ECPAS: variants seen among roughly 807,000 people sequenced by gnomAD.
ECPAS encodes proteasome adapter and scaffold protein ECM29.
In ECPAS, 70 loss-of-function variants were observed where a neutral mutation model predicts 255.1. The observed-to-expected ratio is 0.27, with a 90% CI of 0.23 to 0.33. The LOEUF is 0.33. ECPAS is among the 10% of genes least tolerant of loss of function. ECPAS has a pLI of 1.00. For missense variants in ECPAS, 1,817 were observed against 2,206.4 expected (o/e 0.82, Z 3.54); for synonymous variants, 784 against 775.0 (o/e 1.01, Z -0.19).
At chr9:111,432,699 CATTT>C (rs2098231881) in intron 8 of ECPAS, among the ~76,000 whole-genome samples, 1 of 152,170 alleles carries the variant, frequency 6.6e-6, no homozygotes, top group Non-Finnish European at 1.5e-5. Context: ...GTATCCCATT[CATTT>C]ATTTTTCATT....
intron 24 of ECPAS, among the ~76,000 whole-genome samples, chr9:111,398,350 T>C (rs1320829305): frequency 6.6e-6 from 1 of 152,336 alleles, no homozygotes; most frequent in East Asian, 1.9e-4. Context: ...TGTTTTTGCA[T>C]GTTTCCTGTA....
At chr9:111,384,929 T>TGC (rs908949063) in intron 33 of ECPAS, among the ~76,000 whole-genome samples, 9 of 152,176 alleles carry the variant, frequency 5.9e-5, no homozygotes, top group African/African-American at 2.2e-4. Flanking sequence ...AAAACTGAAG[T>TGC]GCCTAATTTT....
chr9:111,467,125 G>GA (rs2098280540), intron 2 of ECPAS, among the ~76,000 whole-genome samples: 1 of 151,438 alleles, frequency 6.6e-6, no homozygotes, highest in African/African-American at 2.4e-5. Context: ...TACAGGACTA[G>GA]AAAAAACAAT....
rs199992999 is a variant in ECPAS, at chr9:111,484,244, G to C, written c.-211C>G. 5 of 1,474,076 alleles carry C rather than the reference G, an allele frequency of 3.4e-6. No individual in the cohort carries two copies. In the Admixed American group the frequency reaches 1.4e-4, roughly 40 times the overall value. 91.3% of individuals were successfully genotyped at this position (1,474,076 alleles called of 1,614,324 possible). On this transcript the variant is annotated 5_prime_UTR_variant, in exon 1 of 50. Transcript: ENST00000684092. ...GCCGCAGTCCGTGAGGGGCTGGGCC[G>C]AGCGGGCCCGGGCTGCCCTAGCGGC...
At chr9:111,379,221 A>G (rs891585363) in intron 35 of ECPAS, among the ~76,000 whole-genome samples, 1 of 152,238 alleles carries the variant, frequency 6.6e-6, no homozygotes, top group African/African-American at 2.4e-5. Context: ...CAGTAGTCCC[A>G]TAAGATCATA....
chr9:111,420,677 C>G (rs2098212147), intron 15 of ECPAS, among the ~76,000 whole-genome samples: 1 of 152,132 alleles, frequency 6.6e-6, no homozygotes, highest in Non-Finnish European at 1.5e-5. Context: ...CTACAAAGTT[C>G]AACCAGAAAA....
chr9:111,385,830 C>A (rs539064206), intron 32 of ECPAS, among the ~76,000 whole-genome samples: 7 of 152,324 alleles, frequency 4.6e-5, no homozygotes, highest in Non-Finnish European at 7.4e-5. Flanking sequence ...AACAGGTAAT[C>A]TTCAACTTCT....
chr9:111,371,300 A>G (rs2098126987), intron 43 of ECPAS, among the ~76,000 whole-genome samples: 1 of 152,164 alleles, frequency 6.6e-6, no homozygotes, highest in South Asian at 2.1e-4. Context: ...TGATCTTTCT[A>G]TGCCCAATCC....
At position 111,440,503 on chromosome 9, in the gene ECPAS, T is replaced by G; in HGVS notation, c.408A>C (p.Ile136=). The change falls in exon 6 of 50, where the codon ATA becomes ATC. Residue 136 remains isoleucine (I), a synonymous_variant. Coordinates refer to ENST00000684092, the MANE Select transcript of ECPAS (RefSeq NM_001364929.1). ...GGTATTTCATGTGAAAAAGGGTTGG[T>G]ATTAAAAGATGCATTAAGCTGAAAA... ...PQQDSLMHLL[I]PTLFHMKYPV... 6.2e-7 allele frequency: 1 copy of G among 1,603,356 alleles called. No individual in the cohort carries two copies. The highest frequency in any genetic ancestry group is 8.5e-7 in the Non-Finnish European group (1 of 1,173,852).
At chr9:111,376,806 C>T (rs2098133798) in intron 36 of ECPAS, among the ~76,000 whole-genome samples, 1 of 152,160 alleles carries the variant, frequency 6.6e-6, no homozygotes, top group Admixed American at 6.5e-5. Flanking sequence ...GGCAAGTCAT[C>T]CAGCCTTCTT....
At chr9:111,407,163 A>G (rs1472991672) in intron 24 of ECPAS, among the ~76,000 whole-genome samples, 1 of 147,070 alleles carries the variant, frequency 6.8e-6, no homozygotes, top group Non-Finnish European at 1.5e-5. Flanking sequence ...GCACTTTGGG[A>G]GGCCGAGGTG....
intron 1 of ECPAS, chr9:111,483,840 G>GGCGGCTCTGCGACTCCGCGCC (rs1248278364): frequency 1.0e-5 from 3 of 290,610 alleles, no homozygotes; most frequent in Non-Finnish European, 1.5e-5. Context: ...AGGCCCGCGC[G>GGCGGCTCTGCGACTCCGCGCC]GCGGCTCTGC....
chr9:111,480,796 A>T (rs1373366482), intron 1 of ECPAS, among the ~76,000 whole-genome samples: 2 of 152,198 alleles, frequency 1.3e-5, no homozygotes. Context: ...GATGACTGAC[A>T]ATTTAACTGA....
At chr9:111,425,245 A>G (rs916702239) in intron 12 of ECPAS, among the ~76,000 whole-genome samples, 173 bp downstream of exon 12, 1 of 152,114 alleles carries the variant, frequency 6.6e-6, no homozygotes, top group African/African-American at 2.4e-5. Context: ...ATTTCCCCCC[A>G]AAAAAGCAAA....
intron 10 of ECPAS, among the ~76,000 whole-genome samples, chr9:111,427,159 A>G (rs1189747333): frequency 1.5e-5 from 1 of 68,718 alleles, no homozygotes; most frequent in Non-Finnish European, 3.2e-5. Flanking sequence ...ACCCTGTCTC[A>G]GAAAAAAAAA....
chr9:111,454,059 T>A (rs1370462408), intron 2 of ECPAS, among the ~76,000 whole-genome samples: 1 of 152,104 alleles, frequency 6.6e-6, no homozygotes, highest in Non-Finnish European at 1.5e-5. Context: ...GTGATTCTAT[T>A]TGATAAATGC....
At chr9:111,436,913 C>CTAT in intron 7 of ECPAS, 27 bp downstream of exon 7, 1 of 1,555,282 alleles carries the variant, frequency 6.4e-7, no homozygotes, top group Non-Finnish European at 8.7e-7. Context: ...CAATCAACTA[C>CTAT]TATTATGAGC....
intron 36 of ECPAS, 122 bp from the exon 37 acceptor site, chr9:111,376,663 A>G (rs1157827149): frequency 2.7e-6 from 2 of 732,550 alleles, no homozygotes; most frequent in Non-Finnish European, 2.3e-6. Flanking sequence ...ATCCGTAGCT[A>G]TAACAAAGGC....
chr9:111,466,177 G>A (rs1411376145), intron 2 of ECPAS, among the ~76,000 whole-genome samples: 6 of 151,604 alleles, frequency 4.0e-5, no homozygotes, highest in Admixed American at 2.0e-4. Context: ...GGCAGGGCAC[G>A]GTGGCTCACA....
Sources: allele counts gnomAD v4.1 joint callset (sites outside exome capture counted in the v4.1 genomes callset), GRCh38; gene constraint gnomAD v4.1.1; transcripts MANE v1.5; gene names NCBI Gene and HGNC (gene_info 2026-07-23, HGNC 2026-07-21).